Variants in PRDM10 observed in about 807,000 individuals in gnomAD.
PRDM10 encodes PR domain zinc finger protein 10.
PRDM10 carries 65 observed loss-of-function variants against 133.1 expected under a neutral mutation model. The ratio of observed to expected loss-of-function variants is 0.49; its 90% CI spans 0.40 to 0.60. The LOEUF is 0.60. Ranked by LOEUF, PRDM10 falls within the 20% of genes least tolerant of loss-of-function variation. The pLI is 0.00. For synonymous variants in PRDM10, 582 were observed against 580.4 expected (o/e 1.00, Z -0.04); for missense variants, 1,137 against 1,507.1 (o/e 0.75, Z 4.07).
At chr11:129,994,532 G>T (rs1179322491) in intron 1 of PRDM10, among the ~76,000 whole-genome samples, 1 of 151,616 alleles carries the variant, frequency 6.6e-6, no homozygotes, top group Non-Finnish European at 1.5e-5. Flanking sequence ...CAGCTACTCG[G>T]TTGGCTGAGA....
intron 1 of PRDM10, among the ~76,000 whole-genome samples, chr11:130,001,519 C>CT (rs1177589713): frequency 6.6e-6 from 1 of 152,140 alleles, no homozygotes; most frequent in Admixed American, 6.5e-5. Flanking sequence ...GGGTGGGTCT[C>CT]ATCACACATC....
rs116206050 is a variant in PRDM10, at chr11:129,997,680, C to T, written c.-119+5042G>A. Among the ~76,000 whole-genome samples the T allele has an allele frequency of 9.6e-3, 1,463 of 152,094 alleles. 27 individuals carry two copies. The highest frequency in any genetic ancestry group is 0.033 in the African/African-American group (1,377 of 41,470). Reference sequence around the variant, plus strand: ...AAAAATCAATGTATTGAATAACAGACCAAGTTTGGGAAAATTTAGCTGATT... The same window carrying T: ...AAAAATCAATGTATTGAATAACAGATCAAGTTTGGGAAAATTTAGCTGATT... On this transcript the variant is annotated intron_variant, in intron 1 of 20. Transcript: ENST00000360871.
chr11:129,912,523 G>A (rs1005936295), intron 17 of PRDM10, among the ~76,000 whole-genome samples: 26 of 152,276 alleles, frequency 1.7e-4, no homozygotes, highest in African/African-American at 5.3e-4. Context: ...AGGCCAAGGC[G>A]GGTGGATCAC....
intron 17 of PRDM10, 123 bp downstream of exon 17, chr11:129,914,580 AT>A: frequency 7.5e-7 from 1 of 1,334,584 alleles, no homozygotes; most frequent in Non-Finnish European, 1.1e-6. Context: ...CAGTTGTAAA[AT>A]GCCCAAGGCT....
At chr11:129,950,227 G>T (rs1217144731) in intron 4 of PRDM10, among the ~76,000 whole-genome samples, 1 of 152,038 alleles carries the variant, frequency 6.6e-6, no homozygotes, top group Non-Finnish European at 1.5e-5. Context: ...GCAAGGCCCT[G>T]TCTCAAATAA....
chr11:129,954,475 G>T (rs1371139197), intron 4 of PRDM10, among the ~76,000 whole-genome samples: 2 of 151,890 alleles, frequency 1.3e-5, no homozygotes, highest in Admixed American at 1.3e-4. Flanking sequence ...ATGTTGGCCA[G>T]GCTGGTCTCG....
chr11:129,910,543 C>T lies in PRDM10; in HGVS notation c.3096G>A (p.Gln1032=), dbSNP rs145772576. 6.2e-7 allele frequency: 1 copy of T among 1,613,468 alleles called. No individual in the cohort carries two copies. The highest frequency in any genetic ancestry group is 8.5e-7 in the Non-Finnish European group (1 of 1,179,624). Residue 1032 remains glutamine, a synonymous_variant, in exon 19 of 21, where the codon CAG becomes CAA. Coordinates refer to ENST00000360871, the MANE Select transcript of PRDM10 (RefSeq NM_199437.2). ...TQGQALQQQQ[Q]QQQNSSVQHT... ...GCTGCACAGAGGAATTCTGCTGCTG[C>T]TGCTGCTGCTGCTGCAGAGCCTGCC...
At chr11:129,905,534 G>A (rs1313917726) in intron 20 of PRDM10, 104 bp downstream of exon 20, 19 of 887,974 alleles carry the variant, frequency 2.1e-5, no homozygotes, top group Non-Finnish European at 3.7e-6. Context: ...CATCTACTGT[G>A]AGAAAACAGA....
chr11:129,944,842 T>A lies in PRDM10; in HGVS notation c.691A>T (p.Thr231Ser). 1 of 1,614,108 alleles carries A rather than the reference T, an allele frequency of 6.2e-7. No individual in the cohort carries two copies. Among genetic ancestry groups the A allele is most frequent in the Non-Finnish European group, 8.5e-7 (1 of 1,180,028 alleles). Reference sequence around the variant, plus strand: ...GGCCCCTCCACGGGGCCAAACTGGGTGCGCTTGGGGATGCGCCGCTTGGAG... The same window carrying A: ...GGCCCCTCCACGGGGCCAAACTGGGAGCGCTTGGGGATGCGCCGCTTGGAG... ...VFSKRRIPKR[T>S]QFGPVEGPLV... The change falls in exon 6 of 21, where the codon ACC becomes TCC. Residue 231 changes from threonine to serine, a missense_variant. Thr to Ser is a moderately conservative substitution (Grantham distance 58). This residue lies in a region of PRDM10 where 635 missense variants were observed against 835.2 expected (regional missense o/e 0.76). Coordinates refer to ENST00000360871, the MANE Select transcript of PRDM10 (RefSeq NM_199437.2).
At chr11:129,984,437 G>A (rs1380204491) in intron 1 of PRDM10, among the ~76,000 whole-genome samples, 5 of 152,102 alleles carry the variant, frequency 3.3e-5, no homozygotes, top group African/African-American at 1.2e-4. Flanking sequence ...CATGCACTGA[G>A]ACTCTGCAGC....
intron 1 of PRDM10, among the ~76,000 whole-genome samples, chr11:129,985,264 A>AGT (rs149995969): frequency 0.025 from 3,759 of 151,648 alleles, 117 homozygotes; most frequent in African/African-American, 0.077. Context: ...CAGCTAAGAA[A>AGT]GTGTGTGTGT....
intron 20 of PRDM10, among the ~76,000 whole-genome samples, chr11:129,904,440 T>G (rs1949948353): frequency 6.6e-6 from 1 of 152,238 alleles, no homozygotes; most frequent in Non-Finnish European, 1.5e-5. Flanking sequence ...CAATACATTA[T>G]GAACACAGCC....
At chr11:129,999,313 G>T (rs1939221059) in intron 1 of PRDM10, among the ~76,000 whole-genome samples, 2 of 152,090 alleles carry the variant, frequency 1.3e-5, no homozygotes, top group African/African-American at 4.8e-5. Context: ...AATTTGAGTG[G>T]GATCATTCTC....
intron 1 of PRDM10, among the ~76,000 whole-genome samples, chr11:129,998,572 T>C (rs768483668): frequency 6.6e-6 from 1 of 152,204 alleles, no homozygotes; most frequent in East Asian, 1.9e-4. Flanking sequence ...TTTTAACTAG[T>C]CTTGCTGTAA....
rs1950893763 is a variant in PRDM10 at position 129,932,239 on chromosome 11, C to G, written c.1158-8G>C. ...CTTCCTCTGCCTCTTGTTCTGGGGA[C>G]AAGAGATTGGGTTACAGGTCGTCAT... On this transcript the variant is annotated splice_polypyrimidine_tract_variant and splice_region_variant and intron_variant, in intron 9 of 20. Transcript: ENST00000360871. 1 of 1,613,360 alleles carries G rather than the reference C, an allele frequency of 6.2e-7. No individual in the cohort carries two copies. The highest frequency in any genetic ancestry group is 1.7e-5 in the Admixed American group (1 of 59,958).
At chr11:129,969,049 C>A (rs980545967) in intron 1 of PRDM10, among the ~76,000 whole-genome samples, 9 of 152,158 alleles carry the variant, frequency 5.9e-5, no homozygotes, top group African/African-American at 2.2e-4. Context: ...CCACACACTC[C>A]CCCGCTGCAC....
Position 129,923,693 on chromosome 11 carries a change from A to AGAGAGAGC in PRDM10, c.1879-291_1879-290insGCTCTCTC, listed in dbSNP as rs1491447398. 7.3e-4 allele frequency among the ~76,000 whole-genome samples: 99 copies of AGAGAGAGC among 135,664 alleles called. No homozygotes were observed. The highest frequency in any genetic ancestry group is 2.5e-3 in the African/African-American group (90 of 35,504). The allele number at this position is 135,664 out of a possible 152,430, so 89.0% of individuals were successfully genotyped here. A position where few individuals can be genotyped will look rare whatever the true frequency, so the allele number is the denominator to read the frequency against. Reference sequence around the variant, plus strand: ...GAGAGAGAGAGAGAGAGAGAGAGAGAGTGCTTGCTTGGTCAAAGCCCTGAT... The same window carrying AGAGAGAGC: ...GAGAGAGAGAGAGAGAGAGAGAGAGAGAGAGAGCGTGCTTGCTTGGTCAAAGCCCTGAT... On this transcript the variant is annotated intron_variant, in intron 12 of 20. Transcript: ENST00000360871. This position sits in a 1 kb window ranked among gnomAD's most constrained non-coding sequence, Gnocchi z 4.4.
Position 129,902,420 on chromosome 11 carries a change from C to A in PRDM10, c.3364G>T (p.Asp1122Tyr). 1 of 1,614,160 alleles carries A rather than the reference C, an allele frequency of 6.2e-7. No individual in the cohort carries two copies. The highest frequency in any genetic ancestry group is 8.5e-7 in the Non-Finnish European group (1 of 1,180,026). Reference sequence around the variant, plus strand: ...CTGTTGGTCTGGGGGTCCAGGGAGTCACTGTGTGCAGGTGGCTCGACCTGG... The same window carrying A: ...CTGTTGGTCTGGGGGTCCAGGGAGTAACTGTGTGCAGGTGGCTCGACCTGG... ...GVQVEPPAHS[D>Y]SLDPQTNSQQ... The change falls in exon 21 of 21, where the codon GAC (aspartate) becomes TAC (tyrosine). Residue 1122 changes from aspartate (D) to tyrosine (Y), a missense_variant. This residue lies in a region of PRDM10 where 243 missense variants were observed against 259.2 expected (regional missense o/e 0.94). Transcript: ENST00000360871.
At chr11:129,954,090 G>C (rs983824269) in intron 4 of PRDM10, among the ~76,000 whole-genome samples, 4 of 150,480 alleles carry the variant, frequency 2.7e-5, no homozygotes, top group Admixed American at 6.6e-5. Context: ...AGTCATGAAT[G>C]AATTTAACCC....
Sources: allele counts gnomAD v4.1 joint callset (sites outside exome capture counted in the v4.1 genomes callset), GRCh38; gene constraint gnomAD v4.1.1; regional missense constraint gnomAD v4.1.1; non-coding constraint Gnocchi (gnomAD v3.1); transcripts MANE v1.5; gene names NCBI Gene and HGNC (gene_info 2026-07-23, HGNC 2026-07-21).